Variants in SAMD3 observed in about 807,000 individuals in gnomAD.
The protein encoded by SAMD3 is sterile alpha motif domain containing 3.
SAMD3 carries 63 observed loss-of-function variants against 58.5 expected under a neutral mutation model. That is an observed-to-expected ratio of 1.08 (90% CI 0.88 to 1.33). The LOEUF is 1.33. SAMD3 is among the 40% of genes most tolerant of loss of function. The pLI, the probability that SAMD3 is intolerant of heterozygous loss-of-function variation, is 0.00. For missense variants in SAMD3, 604 were observed against 608.4 expected (o/e 0.99, Z 0.08); for synonymous variants, 220 against 210.3 (o/e 1.05, Z -0.40).
chr6:130,264,058 A>G, intron 2 of SAMD3, among the ~76,000 whole-genome samples: 1 of 152,214 alleles, frequency 6.6e-6, no homozygotes. Flanking sequence ...GTTAAAATGG[A>G]TCAAATATTC....
At chr6:130,311,137 A>G (rs1776141185) in intron 2 of SAMD3, among the ~76,000 whole-genome samples, 1 of 152,140 alleles carries the variant, frequency 6.6e-6, no homozygotes, top group South Asian at 2.1e-4. Context: ...GCACCTACGG[A>G]GGGGAGGAGC....
chr6:130,267,238 G>T (rs906096499), intron 2 of SAMD3, among the ~76,000 whole-genome samples: 2 of 152,134 alleles, frequency 1.3e-5, no homozygotes, highest in African/African-American at 4.8e-5. Flanking sequence ...GGCCATGTTT[G>T]GAAATTGGTT....
intron 2 of SAMD3, among the ~76,000 whole-genome samples, chr6:130,279,568 T>C (rs1275416162): frequency 7.0e-6 from 1 of 141,852 alleles, no homozygotes; most frequent in Non-Finnish European, 1.5e-5. Context: ...CACTGCAACC[T>C]CCACCTCCCA....
At chr6:130,279,522 T>A (rs925092498) in intron 2 of SAMD3, among the ~76,000 whole-genome samples, 1 of 142,312 alleles carries the variant, frequency 7.0e-6, no homozygotes, top group Non-Finnish European at 1.5e-5. Context: ...GGAGTTTCAC[T>A]CTTGTTGCTC....
Position 130,348,436 on chromosome 6 carries a change from G to A in SAMD3, c.-304+16684C>T, listed in dbSNP as rs577879935. Among the ~76,000 whole-genome samples the A allele has an allele frequency of 2.6e-4, 40 of 151,926 alleles. 1 individual carries two copies. The highest frequency in any genetic ancestry group is 6.8e-3 in the Middle Eastern group (2 of 294). On this transcript the variant is annotated intron_variant, in intron 1 of 13. Transcript: ENST00000368134. Reference sequence around the variant, plus strand: ...AGGCAGGGGTTGCAATCCTAGTCTCGGATAAAACACACTTTAAACCAACAA... The same window carrying A: ...AGGCAGGGGTTGCAATCCTAGTCTCAGATAAAACACACTTTAAACCAACAA...
chr6:130,291,215 C>T (rs919290603), intron 2 of SAMD3, among the ~76,000 whole-genome samples: 21 of 152,114 alleles, frequency 1.4e-4, no homozygotes, highest in African/African-American at 5.1e-4. Context: ...CTCAGCCTCC[C>T]AAGTAGCAGG....
intron 2 of SAMD3, among the ~76,000 whole-genome samples, chr6:130,262,936 A>G (rs1488944864): frequency 6.6e-6 from 1 of 152,196 alleles, no homozygotes; most frequent in African/African-American, 2.4e-5. Flanking sequence ...TTTCCTTAAA[A>G]CACAAACCTG....
intron 6 of SAMD3, 110 bp from the exon 7 acceptor site, chr6:130,184,297 AAG>A (rs1192553612): frequency 2.5e-6 from 3 of 1,180,540 alleles, no homozygotes; most frequent in Non-Finnish European, 3.6e-6. Context: ...ATATAACAAA[AAG>A]AGATTTAAAT....
At chr6:130,186,345 T>C (rs1792957317) in intron 5 of SAMD3, among the ~76,000 whole-genome samples, 1 of 152,192 alleles carries the variant, frequency 6.6e-6, no homozygotes, top group African/African-American at 2.4e-5. Context: ...TAATGTGATA[T>C]GGAGAATCAA....
chr6:130,243,472 A>C (rs1254619660), intron 2 of SAMD3, among the ~76,000 whole-genome samples: 1 of 152,228 alleles, frequency 6.6e-6, no homozygotes, highest in African/African-American at 2.4e-5. Context: ...AAAGTACCAG[A>C]TGCTGTGTAT....
At chr6:130,149,504 A>G (rs1245949532) in intron 9 of SAMD3, among the ~76,000 whole-genome samples, 3 of 152,204 alleles carry the variant, frequency 2.0e-5, no homozygotes, top group Non-Finnish European at 4.4e-5. Context: ...GAAAATGTAC[A>G]TGTACACCAT....
At chr6:130,192,622 G>C (rs1217380112) in intron 5 of SAMD3, among the ~76,000 whole-genome samples, 1 of 150,160 alleles carries the variant, frequency 6.7e-6, no homozygotes, top group Non-Finnish European at 1.5e-5. Context: ...CTCTCTTTTT[G>C]GACTCAGCCA....
chr6:130,181,731 A>T (rs1792347350), intron 7 of SAMD3, among the ~76,000 whole-genome samples: 1 of 152,136 alleles, frequency 6.6e-6, no homozygotes, highest in Non-Finnish European at 1.5e-5. Flanking sequence ...GGGGAGGAAA[A>T]TTAGGTGGCT....
chr6:130,337,646 A>T (rs1777143316), intron 1 of SAMD3, among the ~76,000 whole-genome samples: 1 of 152,204 alleles, frequency 6.6e-6, no homozygotes, highest in Non-Finnish European at 1.5e-5. Context: ...GTTTTGACCA[A>T]AATGCTGACA....
chr6:130,289,648 T>C (rs12215021), intron 2 of SAMD3, among the ~76,000 whole-genome samples: 38,510 of 152,110 alleles, frequency 0.25, 5,316 homozygotes, highest in East Asian at 0.45. Context: ...TAGGGGCACC[T>C]GCCACCATGT....
chr6:130,307,082 CT>C (rs565124585), intron 2 of SAMD3, among the ~76,000 whole-genome samples: 57 of 152,340 alleles, frequency 3.7e-4, no homozygotes, highest in African/African-American at 1.4e-3. Flanking sequence ...TCTGGACACA[CT>C]TTCATGTATC....
At chr6:130,296,466 C>T (rs181068645) in intron 2 of SAMD3, among the ~76,000 whole-genome samples, 6 of 152,258 alleles carry the variant, frequency 3.9e-5, no homozygotes, top group South Asian at 2.1e-4. Flanking sequence ...CTGAAGTGGG[C>T]GGCACTGGCT....
chr6:130,149,182 G>A (rs1788908516), intron 9 of SAMD3, among the ~76,000 whole-genome samples: 1 of 152,112 alleles, frequency 6.6e-6, no homozygotes, highest in Non-Finnish European at 1.5e-5. Context: ...ATATCTCAGT[G>A]TATTTACTTA....
chr6:130,251,309 T>A (rs1773730565), intron 2 of SAMD3, among the ~76,000 whole-genome samples: 1 of 152,208 alleles, frequency 6.6e-6, no homozygotes, highest in African/African-American at 2.4e-5. Context: ...AAGAGTTATT[T>A]ATACATTCTT....
Sources: allele counts gnomAD v4.1 joint callset (sites outside exome capture counted in the v4.1 genomes callset), GRCh38; gene constraint gnomAD v4.1.1; transcripts MANE v1.5; gene names NCBI Gene and HGNC (gene_info 2026-07-23, HGNC 2026-07-21).